Variants in XYLT1 observed in about 807,000 individuals in gnomAD.
XYLT1 encodes the protein xylosyltransferase 1.
XYLT1 carries 36 observed loss-of-function variants against 91.3 expected under a neutral mutation model. That is an observed-to-expected ratio of 0.39 (90% CI 0.30 to 0.52). The LOEUF (loss-of-function observed/expected upper bound fraction) is 0.52, where lower values mean the gene tolerates loss of function less well. XYLT1 is among the 20% of genes least tolerant of loss of function. The pLI, the probability that XYLT1 is intolerant of heterozygous loss-of-function variation, is 0.68. For missense variants in XYLT1, 1,242 were observed against 1,284.5 expected (o/e 0.97, Z 0.51); for synonymous variants, 588 against 532.0 (o/e 1.11, Z -1.45).
chr16:17,379,882 T>A (rs2035657923), intron 1 of XYLT1, among the ~76,000 whole-genome samples: 4 of 152,126 alleles, frequency 2.6e-5, no homozygotes, highest in Admixed American at 2.6e-4. Context: ...TATTTGTATT[T>A]GAAAGATTGC....
At chr16:17,218,113 C>A (rs370725671) in intron 3 of XYLT1, among the ~76,000 whole-genome samples, 1 of 151,928 alleles carries the variant, frequency 6.6e-6, no homozygotes, top group South Asian at 2.1e-4. Flanking sequence ...CAAAAATTAG[C>A]CAGGCATGGT....
chr16:17,217,624 C>A (rs544832663), intron 3 of XYLT1, among the ~76,000 whole-genome samples: 19 of 152,228 alleles, frequency 1.2e-4, no homozygotes, highest in Non-Finnish European at 2.2e-4. Context: ...CTGCCAGGCA[C>A]TGAGAATGCC....
chr16:17,205,201 G>T (rs1002660739), intron 3 of XYLT1, among the ~76,000 whole-genome samples: 1 of 152,210 alleles, frequency 6.6e-6, no homozygotes, highest in African/African-American at 2.4e-5. Context: ...AGATAGCTGT[G>T]CTGTGTTAGT....
chr16:17,377,110 G>C (rs1032325893), intron 1 of XYLT1, among the ~76,000 whole-genome samples: 17 of 150,042 alleles, frequency 1.1e-4, no homozygotes, highest in Non-Finnish European at 1.5e-5. Flanking sequence ...CCGGAAGGTG[G>C]AGGGTGCAGT....
chr16:17,442,941 T>C (rs2036549362), intron 1 of XYLT1, among the ~76,000 whole-genome samples: 1 of 152,220 alleles, frequency 6.6e-6, no homozygotes, highest in Non-Finnish European at 1.5e-5. Context: ...CGTGTGTTAC[T>C]TTAATCAGCA....
At chr16:17,459,029 T>C (rs755630122) in intron 1 of XYLT1, among the ~76,000 whole-genome samples, 4 of 152,166 alleles carry the variant, frequency 2.6e-5, no homozygotes, top group Non-Finnish European at 5.9e-5. Context: ...GTAATGTTTG[T>C]ATCATATGGT....
chr16:17,222,748 C>T (rs1383125188), intron 3 of XYLT1, among the ~76,000 whole-genome samples: 1 of 147,824 alleles, frequency 6.8e-6, no homozygotes, highest in Non-Finnish European at 1.5e-5. Flanking sequence ...CGGGATCGTG[C>T]CACAGCACTC....
At chr16:17,452,379 T>C (rs1486985515) in intron 1 of XYLT1, among the ~76,000 whole-genome samples, 2 of 151,644 alleles carry the variant, frequency 1.3e-5, no homozygotes, top group Non-Finnish European at 2.9e-5. Context: ...TCCCAAAACT[T>C]TGAGAGGCCA....
chr16:17,415,964 G>T (rs1293127007), intron 1 of XYLT1, among the ~76,000 whole-genome samples: 2 of 152,204 alleles, frequency 1.3e-5, no homozygotes, highest in African/African-American at 4.8e-5. Flanking sequence ...AATGGGACAG[G>T]ACTGGATATG....
At chr16:17,377,834 C>G (rs1409258127) in intron 1 of XYLT1, among the ~76,000 whole-genome samples, 2 of 152,162 alleles carry the variant, frequency 1.3e-5, no homozygotes, top group Non-Finnish European at 2.9e-5. Context: ...TCTGGATCAG[C>G]CCACTGGGGT....
intron 5 of XYLT1, among the ~76,000 whole-genome samples, chr16:17,171,765 A>G (rs1436221861): frequency 6.6e-6 from 1 of 152,258 alleles, no homozygotes; most frequent in East Asian, 1.9e-4. Flanking sequence ...AAGACACCTC[A>G]GTAGAGGTTT....
chr16:17,374,883 T>C (rs1021892168), intron 1 of XYLT1, among the ~76,000 whole-genome samples: 25 of 152,094 alleles, frequency 1.6e-4, no homozygotes, highest in Non-Finnish European at 2.1e-4. Flanking sequence ...ATGTTTCCAT[T>C]TACTCACACC....
At chr16:17,421,076 C>T (rs1000602569) in intron 1 of XYLT1, among the ~76,000 whole-genome samples, 5 of 152,138 alleles carry the variant, frequency 3.3e-5, no homozygotes, top group South Asian at 2.1e-4. Flanking sequence ...ATTTCTACTC[C>T]GCCAGCTTGT....
Position 17,134,492 on chromosome 16 carries a change from C to G in XYLT1, c.2008G>C (p.Asp670His). ...GCTCACCGGCAGCTGTTCTCCCCATCCGTGTGCAGGGACGTCTCGGCCCGT... is the reference window on the plus strand; with the variant it reads ...GCTCACCGGCAGCTGTTCTCCCCATGCGTGTGCAGGGACGTCTCGGCCCGT... Reference protein sequence around the residue: ...LRRAETSLHTDGENSCRYYPM... With the variant: ...LRRAETSLHTHGENSCRYYPM... The change falls in exon 9 of 12, where the codon GAT becomes CAT. Residue 670 changes from aspartate to histidine, a missense_variant. Physicochemically the swap from Asp to His is moderately conservative, Grantham distance 81. This residue lies in a region of XYLT1 where 511 missense variants were observed against 497.0 expected (regional missense o/e 1.03). Coordinates refer to ENST00000261381, the MANE Select transcript of XYLT1 (RefSeq NM_022166.4). The G allele has an allele frequency of 1.2e-6, 2 of 1,614,152 alleles. No individual in the cohort carries two copies. Among genetic ancestry groups the G allele is most frequent in the Non-Finnish European group, 1.7e-6 (2 of 1,180,038 alleles).
At chr16:17,337,781 C>CTTTTTTT (rs10675523) in intron 2 of XYLT1, among the ~76,000 whole-genome samples, 4 of 124,456 alleles carry the variant, frequency 3.2e-5, no homozygotes, top group Non-Finnish European at 3.2e-5. Context: ...TTTTCTTTTT[C>CTTTTTTT]TTTTTTTTTT....
intron 3 of XYLT1, among the ~76,000 whole-genome samples, chr16:17,254,405 A>AT (rs964563959): frequency 5.9e-5 from 9 of 151,806 alleles, no homozygotes; most frequent in African/African-American, 1.7e-4. Context: ...TTTATTTACA[A>AT]TTTTTTGTTG....
intron 1 of XYLT1, among the ~76,000 whole-genome samples, chr16:17,383,629 G>A (rs1013917041): frequency 4.0e-5 from 6 of 151,860 alleles, no homozygotes; most frequent in Non-Finnish European, 7.3e-5. Flanking sequence ...TCAAGAACTC[G>A]CTTATGTCAA....
intron 1 of XYLT1, among the ~76,000 whole-genome samples, chr16:17,402,965 A>AT (rs200282088): frequency 0.049 from 7,433 of 151,948 alleles, 260 homozygotes; most frequent in Non-Finnish European, 0.069. Flanking sequence ...GATATACCCT[A>AT]TTTTCTGATG....
intron 1 of XYLT1, among the ~76,000 whole-genome samples, chr16:17,458,349 G>A (rs924224911): frequency 1.3e-5 from 2 of 152,164 alleles, no homozygotes. Context: ...ACACTTGGGG[G>A]AATAGAGTAC....
Sources: allele counts gnomAD v4.1 joint callset (sites outside exome capture counted in the v4.1 genomes callset), GRCh38; gene constraint gnomAD v4.1.1; regional missense constraint gnomAD v4.1.1; transcripts MANE v1.5; gene names NCBI Gene and HGNC (gene_info 2026-07-23, HGNC 2026-07-21).